The following LANCL1 variants were observed in gnomAD, a reference collection of about 807,000 sequenced individuals.
LANCL1 encodes glutathione S-transferase LANCL1.
LANCL1 carries 50 observed loss-of-function variants against 50.6 expected under a neutral mutation model. The ratio of observed to expected loss-of-function variants is 0.99; its 90% CI spans 0.79 to 1.25. The LOEUF (loss-of-function observed/expected upper bound fraction) is 1.25. Among genes scored for constraint, LANCL1 ranks in the 50% most tolerant of loss-of-function variants. The pLI, the probability that LANCL1 is intolerant of heterozygous loss-of-function variation, is 0.00. For missense variants in LANCL1, 532 were observed against 480.7 expected (o/e 1.11, Z -1.00); for synonymous variants, 188 against 178.6 (o/e 1.05, Z -0.42).
intron 4 of LANCL1, among the ~76,000 whole-genome samples, chr2:210,449,304 C>A (rs767727663): frequency 1.3e-5 from 2 of 152,146 alleles, no homozygotes; most frequent in African/African-American, 4.8e-5. Context: ...ATTCAACAGC[C>A]CTTCATGCTA....
chr2:210,454,219 T>TACACACAC (rs3836055), intron 4 of LANCL1, among the ~76,000 whole-genome samples: 9 of 147,728 alleles, frequency 6.1e-5, no homozygotes, highest in Non-Finnish European at 1.3e-4. Flanking sequence ...TATGCATACA[T>TACACACAC]ACACACACAC....
chr2:210,453,378 T>C (rs753542093), intron 4 of LANCL1, among the ~76,000 whole-genome samples: 11 of 152,280 alleles, frequency 7.2e-5, no homozygotes, highest in Middle Eastern at 6.8e-3. Flanking sequence ...TGAGTTAACA[T>C]TGGCAAGTGC....
rs3770700 is a variant in LANCL1 at position 210,439,187 on chromosome 2, C to T, written c.691-1315G>A. On this transcript the variant is annotated intron_variant, in intron 6 of 9. Transcript: ENST00000450366. The stretch of plus-strand genomic sequence containing the variant: ...TTTATTTTATGTTGATGAAGGCGTA[C>T]CTACTAGAATAGACTTTCAGGATTA... Among the ~76,000 whole-genome samples the T allele has an allele frequency of 9.2e-5, 14 of 152,264 alleles. No individual in the cohort carries two copies. In the East Asian group the frequency reaches 2.7e-3, roughly 29 times the overall value.
At position 210,455,195 on chromosome 2, in the gene LANCL1, G is replaced by A. The variant is rs768534029; in HGVS notation, c.319C>T (p.Leu107Phe). ...NCLTKRSITF[L>F]CGDAGPLAVA... ...GCCAGGGGGCCTGCATCCCCACAAA[G>A]GAAGGTGATGGAGCGCTTGGTTAAG... Residue 107 changes from leucine (L) to phenylalanine (F), a missense_variant, in exon 4 of 10, where the codon CTT becomes TTT. Leu to Phe is a conservative substitution (Grantham distance 22). Coordinates refer to ENST00000450366, the MANE Select transcript of LANCL1 (RefSeq NM_006055.3). 6.2e-7 allele frequency: 1 copy of A among 1,613,674 alleles called. No individual in the cohort carries two copies. The highest frequency in any genetic ancestry group is 8.5e-7 in the Non-Finnish European group (1 of 1,179,750).
intron 3 of LANCL1, among the ~76,000 whole-genome samples, chr2:210,459,731 C>A (rs1342820431): frequency 7.5e-6 from 1 of 133,620 alleles, no homozygotes; most frequent in Non-Finnish European, 1.7e-5. Context: ...ATGTTGATAA[C>A]TATTAAAAAC....
At chr2:210,452,105 A>T (rs1011646289) in intron 4 of LANCL1, among the ~76,000 whole-genome samples, 3 of 152,156 alleles carry the variant, frequency 2.0e-5, no homozygotes, top group African/African-American at 7.2e-5. Flanking sequence ...AATAGTGCTG[A>T]TGGTTGTACA....
chr2:210,454,220 AC>A, intron 4 of LANCL1, among the ~76,000 whole-genome samples: 1 of 934 alleles, frequency 1.1e-3, no homozygotes, highest in Non-Finnish European at 1.8e-3. Context: ...ATGCATACAT[AC>A]ACACACACAC....
At chr2:210,451,812 A>T (rs2105904586) in intron 4 of LANCL1, among the ~76,000 whole-genome samples, 1 of 152,348 alleles carries the variant, frequency 6.6e-6, no homozygotes, top group African/African-American at 2.4e-5. Flanking sequence ...GATAAAAAAG[A>T]AATGTGGTAT....
intron 3 of LANCL1, among the ~76,000 whole-genome samples, chr2:210,465,603 G>T (rs1472014072): frequency 6.6e-6 from 1 of 152,160 alleles, no homozygotes; most frequent in African/African-American, 2.4e-5. Flanking sequence ...GTTGGTGCAG[G>T]ACTCTAAAAT....
Position 210,437,709 on chromosome 2 carries a change from A to C in LANCL1, c.854T>G (p.Met285Arg). The C allele has an allele frequency of 3.1e-6, 5 of 1,605,182 alleles. No individual in the cohort carries two copies. The highest frequency in any genetic ancestry group is 4.3e-6 in the Non-Finnish European group (5 of 1,176,378). Residue 285 changes from methionine (M) to arginine (R), a missense_variant, in exon 7 of 10, where the codon ATG becomes AGG. Coordinates refer to ENST00000450366, the MANE Select transcript of LANCL1 (RefSeq NM_006055.3). ...CAGTACCTTATAGGCCTGGATGAGC[A>C]TGTAGATTACCCCAGGGGCGCCATG... ...WCHGAPGVIY[M>R]LIQAYKVFRE...
intron 5 of LANCL1, 80 bp downstream of exon 5, chr2:210,441,228 A>C (rs939942336): frequency 1.4e-6 from 2 of 1,404,404 alleles, no homozygotes; most frequent in African/African-American, 1.4e-5. Context: ...TGCTAACTAC[A>C]GAGACATAAA....
At chr2:210,461,296 A>G (rs1693851165) in intron 3 of LANCL1, among the ~76,000 whole-genome samples, 1 of 151,814 alleles carries the variant, frequency 6.6e-6, no homozygotes, top group South Asian at 2.1e-4. Context: ...ACTTGTCCTA[A>G]CACCTCTGGC....
chr2:210,449,360 G>GT (rs1393684366), intron 4 of LANCL1, among the ~76,000 whole-genome samples: 3 of 152,060 alleles, frequency 2.0e-5, no homozygotes, highest in Non-Finnish European at 2.9e-5. Context: ...TCTCAAAATA[G>GT]TAAGAGCTAT....
intron 3 of LANCL1, among the ~76,000 whole-genome samples, chr2:210,459,214 G>A (rs576527855): frequency 2.9e-4 from 44 of 151,862 alleles, no homozygotes; most frequent in South Asian, 4.2e-4. Context: ...TGTCATATTC[G>A]TAAGTATGAC....
rs563572339 is a variant in LANCL1 at position 210,440,170 on chromosome 2, A to T, written c.690+428T>A. On this transcript the variant is annotated intron_variant, in intron 6 of 9. Transcript: ENST00000450366. ...TTTGCTCTCTAAGTGAGCATTAGGC[A>T]ACAAGTGCTCATTTGTTTTCTATTG... 2.6e-5 allele frequency among the ~76,000 whole-genome samples: 4 copies of T among 152,342 alleles called. No homozygotes were observed. The South Asian group carries it at 8.3e-4, about 32-fold the overall frequency.
chr2:210,469,549 A>T (rs1478897820), intron 3 of LANCL1, among the ~76,000 whole-genome samples: 1 of 152,334 alleles, frequency 6.6e-6, no homozygotes, highest in East Asian at 1.9e-4. Context: ...GCTGCTAAGG[A>T]CATCCTAAAC....
chr2:210,449,633 C>G (rs766499125), intron 4 of LANCL1, among the ~76,000 whole-genome samples: 2 of 151,760 alleles, frequency 1.3e-5, no homozygotes, highest in Non-Finnish European at 3.0e-5. Flanking sequence ...TCTCCTTAAG[C>G]TGCTGATAAG....
chr2:210,454,480 T>C (rs1049519761), intron 4 of LANCL1, among the ~76,000 whole-genome samples: 8 of 152,164 alleles, frequency 5.3e-5, no homozygotes, highest in African/African-American at 1.9e-4. Flanking sequence ...TCAGGGACAG[T>C]CACTGGTTAA....
At chr2:210,467,882 TAG>T (rs1335884756) in intron 3 of LANCL1, among the ~76,000 whole-genome samples, 1 of 152,204 alleles carries the variant, frequency 6.6e-6, no homozygotes, top group Non-Finnish European at 1.5e-5. Context: ...TAGCTTTCTT[TAG>T]AGTCATGAAG....
Sources: gnomAD v4.1 joint callset for allele counts (sites outside exome capture counted in the v4.1 genomes callset) on GRCh38, gnomAD v4.1.1 for gene constraint, MANE v1.5 for transcripts, NCBI Gene and HGNC (gene_info 2026-07-23, HGNC 2026-07-21) for gene names.